Variants in CA10 observed in about 807,000 individuals in gnomAD.
The protein encoded by CA10 is carbonic anhydrase-related protein 10.
A neutral mutation model predicts 44.2 loss-of-function variants in CA10; 14 were observed. The observed-to-expected ratio is 0.32, with a 90% CI of 0.21 to 0.50. The LOEUF is 0.50. Among genes scored for constraint, CA10 ranks in the 20% least tolerant of loss-of-function variants. The probability of loss-of-function intolerance (pLI) is 0.99; values close to 1 mark genes in which losing one functional copy is unlikely to be tolerated. For missense variants in CA10, 350 were observed against 409.7 expected (o/e 0.85, Z 1.26); for synonymous variants, 159 against 141.6 (o/e 1.12, Z -0.87).
intron 4 of CA10, among the ~76,000 whole-genome samples, chr17:51,707,054 A>G (rs1281961838): frequency 6.6e-6 from 1 of 152,092 alleles, no homozygotes; most frequent in African/African-American, 2.4e-5. Context: ...TGTCTCTCCC[A>G]CTAAGTTCCA....
At chr17:51,831,667 A>AC (rs1413563405) in intron 3 of CA10, among the ~76,000 whole-genome samples, 65 of 127,462 alleles carry the variant, frequency 5.1e-4, no homozygotes, top group Middle Eastern at 4.1e-3. Flanking sequence ...AGAAAAGAAA[A>AC]AGCAGCAGCA....
intron 2 of CA10, among the ~76,000 whole-genome samples, chr17:51,938,883 G>C (rs1982967547): frequency 6.6e-6 from 1 of 151,996 alleles, no homozygotes; most frequent in Admixed American, 6.6e-5. Context: ...ACTTTCTAAG[G>C]TCACCTGGCC....
intron 3 of CA10, among the ~76,000 whole-genome samples, chr17:51,846,746 G>A (rs956837456): frequency 1.3e-5 from 2 of 152,220 alleles, no homozygotes; most frequent in African/African-American, 4.8e-5. Context: ...AATCATGCAA[G>A]TCTAATGCTG....
At chr17:51,772,610 G>C (rs1905653709) in intron 3 of CA10, among the ~76,000 whole-genome samples, 1 of 152,024 alleles carries the variant, frequency 6.6e-6, no homozygotes, top group African/African-American at 2.4e-5. Context: ...TAAAATGAGG[G>C]AAGGCCTACA....
At chr17:51,648,425 T>C (rs1913425946) in intron 6 of CA10, among the ~76,000 whole-genome samples, 1 of 152,208 alleles carries the variant, frequency 6.6e-6, no homozygotes, top group Admixed American at 6.5e-5. Flanking sequence ...AACTCCTTGA[T>C]GAAGGACAAA....
chr17:51,633,230 C>T (rs1173872204), intron 8 of CA10, among the ~76,000 whole-genome samples: 3 of 152,112 alleles, frequency 2.0e-5, no homozygotes, highest in African/African-American at 4.8e-5. Flanking sequence ...TACCTACCGT[C>T]CATCCATCCA....
chr17:51,712,789 A>C (rs1915982587), intron 4 of CA10, among the ~76,000 whole-genome samples: 1 of 152,242 alleles, frequency 6.6e-6, no homozygotes, highest in Non-Finnish European at 1.5e-5. Flanking sequence ...GTCTCTACGC[A>C]CAACACTTAC....
chr17:51,974,138 C>G (rs1984375409), intron 2 of CA10, among the ~76,000 whole-genome samples: 1 of 152,200 alleles, frequency 6.6e-6, no homozygotes, highest in Admixed American at 6.5e-5. Context: ...GTAATCCCAG[C>G]ACTTTGGGAG....
intron 4 of CA10, among the ~76,000 whole-genome samples, chr17:51,720,992 T>C (rs558885469): frequency 2.0e-5 from 3 of 152,336 alleles, no homozygotes; most frequent in African/African-American, 4.8e-5. Flanking sequence ...AAACATCACA[T>C]TGTATCCCAC....
intron 1 of CA10, among the ~76,000 whole-genome samples, chr17:52,109,758 A>C (rs531644410): frequency 1.4e-4 from 21 of 152,328 alleles, no homozygotes; most frequent in Admixed American, 1.2e-3. Flanking sequence ...CACTATTACT[A>C]TCTTAGATCA....
chr17:52,110,182 C>T (rs1363438989), intron 1 of CA10, among the ~76,000 whole-genome samples: 2 of 152,240 alleles, frequency 1.3e-5, no homozygotes, highest in African/African-American at 4.8e-5. Context: ...CTAGCTCTCC[C>T]TCCCCTGGAT....
chr17:51,654,209 C>T (rs183100422), intron 4 of CA10, among the ~76,000 whole-genome samples: 114 of 152,358 alleles, frequency 7.5e-4, no homozygotes, highest in African/African-American at 2.3e-3. Flanking sequence ...ACTGGCCAGC[C>T]TGCAAGATGC....
intron 2 of CA10, among the ~76,000 whole-genome samples, chr17:52,016,755 A>G (rs1024393916): frequency 2.0e-5 from 3 of 152,190 alleles, no homozygotes; most frequent in African/African-American, 7.2e-5. Context: ...TCTACTAAAA[A>G]TACAAAAATT....
At chr17:51,887,494 TG>T in intron 3 of CA10, among the ~76,000 whole-genome samples, 1 of 152,312 alleles carries the variant, frequency 6.6e-6, no homozygotes, top group South Asian at 2.1e-4. Flanking sequence ...AGTTATATTA[TG>T]GGAACAGCAA....
At chr17:51,943,288 A>G (rs892934955) in intron 2 of CA10, among the ~76,000 whole-genome samples, 1 of 152,190 alleles carries the variant, frequency 6.6e-6, no homozygotes, top group African/African-American at 2.4e-5. Flanking sequence ...TTAATTATGC[A>G]TGGCTATATT....
intron 3 of CA10, among the ~76,000 whole-genome samples, chr17:51,819,324 C>T (rs1907678176): frequency 6.6e-6 from 1 of 152,176 alleles, no homozygotes; most frequent in African/African-American, 2.4e-5. Flanking sequence ...ATTTAATCTG[C>T]ACTTGGGGCA....
intron 3 of CA10, among the ~76,000 whole-genome samples, chr17:51,813,901 T>G (rs1598058245): frequency 6.6e-6 from 1 of 152,364 alleles, no homozygotes; most frequent in East Asian, 1.9e-4. Flanking sequence ...TCTAGCACTC[T>G]TTCTTCAATG....
chr17:51,881,191 G>C (rs1980353916), intron 3 of CA10, among the ~76,000 whole-genome samples: 1 of 136,880 alleles, frequency 7.3e-6, no homozygotes, highest in Non-Finnish European at 1.5e-5. Context: ...AATGAGCCGA[G>C]ATCACGCCAC....
chr17:52,002,681 T>C, intron 2 of CA10, among the ~76,000 whole-genome samples: 1 of 151,964 alleles, frequency 6.6e-6, no homozygotes, highest in East Asian at 2.0e-4. Context: ...AAGTTCTCCA[T>C]TTCAGAAATT....
Sources: gnomAD v4.1 joint callset for allele counts (sites outside exome capture counted in the v4.1 genomes callset) on GRCh38, gnomAD v4.1.1 for gene constraint, MANE v1.5 for transcripts, NCBI Gene and HGNC (gene_info 2026-07-23, HGNC 2026-07-21) for gene names.